FBXL17: variants seen among roughly 807,000 people sequenced by gnomAD.
The protein encoded by FBXL17 is F-box and leucine rich repeat protein 17, also known as F-box/LRR-repeat protein 17.
FBXL17 carries 22 observed loss-of-function variants against 66.2 expected under a neutral mutation model. The observed-to-expected ratio is 0.33, with a 90% confidence interval of 0.24 to 0.47. FBXL17 has a LOEUF of 0.47. Ranked by LOEUF, FBXL17 falls within the 20% of genes least tolerant of loss-of-function variation. The probability of loss-of-function intolerance (pLI) is 1.00; values close to 1 mark genes in which losing one functional copy is unlikely to be tolerated. For synonymous variants in FBXL17, 474 were observed against 400.5 expected, an observed-to-expected ratio of 1.18 and a Z score of -2.19; for missense variants, 878 against 948.2, an observed-to-expected ratio of 0.93 and a Z score of 0.97.
intron 7 of FBXL17, among the ~76,000 whole-genome samples, chr5:107,991,483 T>A (rs1753246628): frequency 6.6e-6 from 1 of 152,210 alleles, no homozygotes; most frequent in Non-Finnish European, 1.5e-5. Flanking sequence ...GCATAGGATT[T>A]CTCTACTGCT....
chr5:107,997,832 T>TAAACA lies in FBXL17; in HGVS notation c.1822+23088_1822+23092dup, dbSNP rs544022185. Among the ~76,000 whole-genome samples, 278 of 152,284 alleles carry TAAACA rather than the reference T, an allele frequency of 1.8e-3. 1 individual carries two copies. The highest frequency in any genetic ancestry group is 6.2e-3 in the African/African-American group (258 of 41,562). On this transcript the variant is annotated intron_variant, in intron 7 of 8. Transcript: ENST00000542267. ...TCAACACCCTGAGTCACTAAGACAA[T>TAAACA]AAACAAAATAAAATTCATGTTCAGT... is the stretch of plus-strand genomic sequence containing the variant.
intron 5 of FBXL17, among the ~76,000 whole-genome samples, chr5:108,200,691 T>C (rs1221101192): frequency 8.6e-6 from 1 of 116,752 alleles, no homozygotes; most frequent in East Asian, 2.3e-4. Flanking sequence ...AGCTTTTTCT[T>C]GAAAAAAAAA....
At chr5:107,881,439 C>A (rs1748787168) in intron 7 of FBXL17, among the ~76,000 whole-genome samples, 2 of 152,082 alleles carry the variant, frequency 1.3e-5, no homozygotes, top group African/African-American at 2.4e-5. Flanking sequence ...TACAAGGTTA[C>A]CTGTACTTTC....
chr5:108,359,203 TAGTC>T (rs1374477676), intron 3 of FBXL17, among the ~76,000 whole-genome samples: 1 of 152,168 alleles, frequency 6.6e-6, no homozygotes, highest in African/African-American at 2.4e-5. Context: ...TCTTTTTTCT[TAGTC>T]AATCTAGTTA....
At chr5:108,212,054 C>T (rs1230757084) in intron 5 of FBXL17, among the ~76,000 whole-genome samples, 1 of 152,136 alleles carries the variant, frequency 6.6e-6, no homozygotes, top group Non-Finnish European at 1.5e-5. Context: ...ATATTGTCTT[C>T]TCTCTTTCTT....
chr5:108,369,066 T>A (rs1230329484), intron 1 of FBXL17, among the ~76,000 whole-genome samples: 1 of 152,136 alleles, frequency 6.6e-6, no homozygotes, highest in East Asian at 1.9e-4. Flanking sequence ...ATGGGACAAA[T>A]GACAGACAGA....
intron 4 of FBXL17, among the ~76,000 whole-genome samples, chr5:108,341,059 T>C (rs112089384): frequency 1.3e-3 from 198 of 152,332 alleles, no homozygotes; most frequent in African/African-American, 4.7e-3. Context: ...ACAATAATTT[T>C]ATTGCAATAC....
At chr5:108,229,754 A>C (rs1030542411) in intron 4 of FBXL17, among the ~76,000 whole-genome samples, 2 of 152,172 alleles carry the variant, frequency 1.3e-5, no homozygotes, top group Non-Finnish European at 2.9e-5. Flanking sequence ...GCACAACAAA[A>C]GGAAGAGTCA....
At chr5:108,206,545 C>T (rs1365775594) in intron 5 of FBXL17, among the ~76,000 whole-genome samples, 2 of 152,126 alleles carry the variant, frequency 1.3e-5, no homozygotes, top group African/African-American at 2.4e-5. Flanking sequence ...TTCCTCTCTC[C>T]TCCCTCCCCT....
intron 6 of FBXL17, among the ~76,000 whole-genome samples, chr5:108,141,735 C>T (rs1020760983): frequency 7.2e-5 from 11 of 152,244 alleles, no homozygotes; most frequent in African/African-American, 1.7e-4. Flanking sequence ...GCTTCAGTCA[C>T]TTTCTAACAC....
chr5:108,052,112 C>CAAA (rs144705189), intron 6 of FBXL17, among the ~76,000 whole-genome samples: 106 of 102,080 alleles, frequency 1.0e-3, no homozygotes, highest in East Asian at 2.1e-3. Flanking sequence ...GACTTCGTCT[C>CAAA]AAAAAAAAAA....
intron 4 of FBXL17, among the ~76,000 whole-genome samples, chr5:108,242,275 A>G (rs1442228364): frequency 6.6e-6 from 1 of 152,136 alleles, no homozygotes; most frequent in African/African-American, 2.4e-5. Context: ...TGGAACTCCT[A>G]GACTCCAGCA....
chr5:108,211,107 G>A (rs534044639), intron 5 of FBXL17, among the ~76,000 whole-genome samples: 2 of 152,250 alleles, frequency 1.3e-5, no homozygotes, highest in Non-Finnish European at 2.9e-5. Context: ...TTTAAAGTCT[G>A]TTTTATCAGA....
intron 4 of FBXL17, among the ~76,000 whole-genome samples, chr5:108,306,207 A>T (rs1187700708): frequency 6.6e-6 from 1 of 152,068 alleles, no homozygotes; most frequent in Non-Finnish European, 1.5e-5. Context: ...TACTTTTTAG[A>T]TATATGGGGG....
chr5:108,344,964 T>C (rs1279430730), intron 4 of FBXL17, among the ~76,000 whole-genome samples: 3 of 152,176 alleles, frequency 2.0e-5, no homozygotes, highest in Non-Finnish European at 4.4e-5. Flanking sequence ...ATGCAAACTA[T>C]ACCTATGTAG....
chr5:108,316,148 C>T (rs1429647336), intron 4 of FBXL17, among the ~76,000 whole-genome samples: 1 of 151,334 alleles, frequency 6.6e-6, no homozygotes, highest in Non-Finnish European at 1.5e-5. Context: ...TAATAAAACT[C>T]TACCCTTAAG....
At chr5:108,034,799 G>A (rs1192613271) in intron 6 of FBXL17, among the ~76,000 whole-genome samples, 1 of 151,884 alleles carries the variant, frequency 6.6e-6, no homozygotes, top group Non-Finnish European at 1.5e-5. Flanking sequence ...GCTTTTAAAA[G>A]TCATTTTACA....
At chr5:108,124,983 T>C (rs573167372) in intron 6 of FBXL17, among the ~76,000 whole-genome samples, 3 of 152,034 alleles carry the variant, frequency 2.0e-5, no homozygotes, top group African/African-American at 7.2e-5. Context: ...AATATAAAAA[T>C]CCATGTTCAA....
intron 4 of FBXL17, 142 bp downstream of exon 4, chr5:108,348,257 C>A (rs113488257): frequency 4.1e-4 from 251 of 613,308 alleles, no homozygotes; most frequent in Middle Eastern, 3.4e-3. Context: ...ATAAAATCAT[C>A]ACTTTAAAAG....
Sources: allele counts gnomAD v4.1 joint callset (sites outside exome capture counted in the v4.1 genomes callset), GRCh38; gene constraint gnomAD v4.1.1; transcripts MANE v1.5; gene names NCBI Gene and HGNC (gene_info 2026-07-23, HGNC 2026-07-21).